PDE1C: variants seen among roughly 807,000 people sequenced by gnomAD.
The protein encoded by PDE1C is dual specificity calcium/calmodulin-dependent 3',5'-cyclic nucleotide phosphodiesterase 1C.
Under a neutral mutation model 93.1 loss-of-function variants are expected in PDE1C, and 62 were observed. The observed-to-expected ratio is 0.67, with a 90% confidence interval of 0.54 to 0.82. The LOEUF is 0.82. PDE1C is among the 40% of genes least tolerant of loss of function. The pLI is 0.00. For missense variants in PDE1C, 742 were observed against 884.6 expected, an observed-to-expected ratio of 0.84 and a Z score of 2.04; for synonymous variants, 325 against 310.1, an observed-to-expected ratio of 1.05 and a Z score of -0.50.
chr7:32,206,347 G>A (rs1805524112), intron 2 of PDE1C, among the ~76,000 whole-genome samples: 1 of 152,162 alleles, frequency 6.6e-6, no homozygotes. Flanking sequence ...GTCAGGTGCA[G>A]TCAACCAGAC....
At chr7:32,077,666 G>A (rs944801256) in intron 3 of PDE1C, among the ~76,000 whole-genome samples, 17 of 151,936 alleles carry the variant, frequency 1.1e-4, no homozygotes, top group Non-Finnish European at 2.5e-4. Context: ...CTCCCTCCCA[G>A]GTTCAAGCAA....
the PDE1C span, among the ~76,000 whole-genome samples, chr7:31,669,585 C>T: frequency 3.3e-5 from 5 of 152,188 alleles, no homozygotes; most frequent in South Asian, 2.1e-4. Context: ...AATGGGTTTT[C>T]TTCATCATAA....
At chr7:32,110,439 C>A (rs1798575992) in intron 3 of PDE1C, among the ~76,000 whole-genome samples, 1 of 152,160 alleles carries the variant, frequency 6.6e-6, no homozygotes, top group Non-Finnish European at 1.5e-5. Flanking sequence ...CCTCCCATGA[C>A]ACGTGGAAGT....
At chr7:32,033,301 G>C (rs1301452975) in intron 2 of PDE1C, among the ~76,000 whole-genome samples, 1 of 152,034 alleles carries the variant, frequency 6.6e-6, no homozygotes, top group East Asian at 1.9e-4. Flanking sequence ...GTAAATTACA[G>C]CTTAATCTTC....
intron 11 of PDE1C, among the ~76,000 whole-genome samples, chr7:31,835,512 T>C (rs2128760857): frequency 8.2e-6 from 1 of 121,220 alleles, no homozygotes; most frequent in East Asian, 2.5e-4. Context: ...ATATAATAGC[T>C]GGGGGGTGCT....
chr7:32,124,350 A>G (rs1799455210), intron 3 of PDE1C, among the ~76,000 whole-genome samples: 1 of 152,104 alleles, frequency 6.6e-6, no homozygotes, highest in African/African-American at 2.4e-5. Context: ...TTAGAAAAAA[A>G]TACTTTAAAT....
intron 17 of PDE1C, 32 bp from the exon 18 acceptor site, chr7:31,753,585 G>GT: frequency 1.3e-6 from 2 of 1,596,030 alleles, no homozygotes; most frequent in Non-Finnish European, 1.7e-6. Context: ...ACAGACAACG[G>GT]TTAGCCTCAC....
intron 16 of PDE1C, among the ~76,000 whole-genome samples, chr7:31,791,170 T>C (rs962463629): frequency 6.6e-6 from 1 of 152,148 alleles, no homozygotes; most frequent in Admixed American, 6.6e-5. Flanking sequence ...GAAAACTCAT[T>C]GGGAGATAGG....
At chr7:32,391,396 T>C (rs2128093088) in intron 1 of PDE1C, among the ~76,000 whole-genome samples, 1 of 152,176 alleles carries the variant, frequency 6.6e-6, no homozygotes, top group Non-Finnish European at 1.5e-5. Context: ...AACTCAACAG[T>C]AGTAGTTGAT....
At chr7:32,303,917 A>C (rs1812937072), upstream of PDE1C, among the ~76,000 whole-genome samples, 2 of 152,182 alleles carry the variant, frequency 1.3e-5, no homozygotes, top group Non-Finnish European at 1.5e-5. Flanking sequence ...CAGTAAATTA[A>C]ATTCTTGTTT....
chr7:31,704,537 T>A, the PDE1C span, among the ~76,000 whole-genome samples: 1 of 152,222 alleles, frequency 6.6e-6, no homozygotes, highest in African/African-American at 2.4e-5. Context: ...TTGTGCCAGA[T>A]GTTAGCATAT....
the PDE1C span, chr7:31,707,221 G>A: frequency 1.2e-6 from 2 of 1,613,982 alleles, no homozygotes; most frequent in Admixed American, 1.7e-5. Context: ...ATTGCTCAGG[G>A]ACGAGAGACC....
Position 32,334,331 on chromosome 7 carries a change from C to T in PDE1C, c.310+93491G>A, listed in dbSNP as rs76739533. 2.9e-3 allele frequency among the ~76,000 whole-genome samples: 443 copies of T among 151,942 alleles called. 3 individuals are homozygous for T. The highest frequency in any genetic ancestry group is 0.01 in the African/African-American group (428 of 41,412). On this transcript the variant is annotated intron_variant, in intron 1 of 1. Transcript: ENST00000672256. Reference sequence around the variant, plus strand: ...TGAACTATATTTTTTAACATAATTCCACTCAAACTTTGTCCACATTTTTGA... The same window carrying T: ...TGAACTATATTTTTTAACATAATTCTACTCAAACTTTGTCCACATTTTTGA...
the PDE1C span, among the ~76,000 whole-genome samples, chr7:31,620,101 C>T: frequency 1.3e-5 from 2 of 152,232 alleles, no homozygotes; most frequent in African/African-American, 4.8e-5. Flanking sequence ...ACAAAGCAGC[C>T]GGGAAGCTCC....
chr7:31,909,092 C>G (rs542871135), intron 2 of PDE1C, among the ~76,000 whole-genome samples: 1 of 152,150 alleles, frequency 6.6e-6, no homozygotes, highest in Admixed American at 6.5e-5. Context: ...CAAGAAGTCT[C>G]TTATTATGTA....
At chr7:32,193,593 T>C (rs1488064629) in intron 2 of PDE1C, among the ~76,000 whole-genome samples, 1 of 152,156 alleles carries the variant, frequency 6.6e-6, no homozygotes, top group Non-Finnish European at 1.5e-5. Context: ...TTAATGAGAT[T>C]TTGGTCTGTA....
At chr7:31,831,491 CAT>C (rs1491046660) in intron 11 of PDE1C, among the ~76,000 whole-genome samples, 3 of 81,666 alleles carry the variant, frequency 3.7e-5, no homozygotes, top group Non-Finnish European at 5.3e-5. Context: ...CACACACACA[CAT>C]GCACGCACAC....
chr7:31,728,942 A>G, the PDE1C span, among the ~76,000 whole-genome samples: 20 of 152,346 alleles, frequency 1.3e-4, no homozygotes, highest in East Asian at 2.5e-3. Flanking sequence ...ATGGGGCTAA[A>G]TCTTTCCAGT....
the PDE1C span, among the ~76,000 whole-genome samples, chr7:31,744,129 T>C: frequency 6.6e-6 from 1 of 152,204 alleles, no homozygotes; most frequent in Non-Finnish European, 1.5e-5. Flanking sequence ...TTTCCATATG[T>C]AAAATATCAT....
Sources: allele counts gnomAD v4.1 joint callset (sites outside exome capture counted in the v4.1 genomes callset), GRCh38; gene constraint gnomAD v4.1.1; transcripts MANE v1.5; gene names NCBI Gene and HGNC (gene_info 2026-07-23, HGNC 2026-07-21).